The following SH3BP2 variants were observed in gnomAD, a reference collection of about 807,000 sequenced individuals.
SH3BP2 encodes the protein SH3 domain-binding protein 2.
SH3BP2 carries 38 observed loss-of-function variants against 56.2 expected under a neutral mutation model. That is an observed-to-expected ratio of 0.68 (90% CI 0.52 to 0.89). The LOEUF (loss-of-function observed/expected upper bound fraction) is 0.89. Among genes scored for constraint, SH3BP2 ranks in the 40% least tolerant of loss-of-function variants. The probability of loss-of-function intolerance (pLI) is 0.00; values close to 1 mark genes in which losing one functional copy is unlikely to be tolerated. For missense variants in SH3BP2, 748 were observed against 762.6 expected, an observed-to-expected ratio of 0.98 and a Z score of 0.23; for synonymous variants, 346 against 316.7, an observed-to-expected ratio of 1.09 and a Z score of -0.98.
At position 2,832,383 on chromosome 4, in the gene SH3BP2, A is replaced by G. The variant is rs921517997; in HGVS notation, c.1459A>G (p.Ile487Val). Reference protein sequence around the residue: ...RGEPQDGLYCIRNSSTKSGKV... With the variant: ...RGEPQDGLYCVRNSSTKSGKV... ...AGAGCCCCAGGATGGACTCTACTGC[A>G]TCCGGAACTCCTCTACCAAGTCGGG... The change falls in exon 11 of 13, where the codon ATC (isoleucine) becomes GTC (valine). Residue 487 changes from isoleucine (I) to valine (V), a missense_variant. This residue lies in a region of SH3BP2 where 635 missense variants were observed against 615.0 expected (regional missense o/e 1.03). Coordinates refer to ENST00000503393, the MANE Select transcript of SH3BP2 (RefSeq NM_001122681.2). 1 of 1,614,146 alleles carries G rather than the reference A, an allele frequency of 6.2e-7. No homozygotes were observed. The highest frequency in any genetic ancestry group is 8.5e-7 in the Non-Finnish European group (1 of 1,180,008).
chr4:2,828,371 A>G (rs1211836356), intron 7 of SH3BP2, among the ~76,000 whole-genome samples: 2 of 151,228 alleles, frequency 1.3e-5, no homozygotes, highest in African/African-American at 4.9e-5. Context: ...CTGACCCCGT[A>G]TCCTCTCTGC....
intron 1 of SH3BP2, among the ~76,000 whole-genome samples, chr4:2,819,900 G>T (rs1250109030): frequency 2.0e-5 from 3 of 152,170 alleles, no homozygotes; most frequent in African/African-American, 7.2e-5. Flanking sequence ...GTTGGGTCCT[G>T]TGGGCCTGGG....
At chr4:2,830,223 C>G in intron 8 of SH3BP2, 76 bp downstream of exon 8, 1 of 1,373,050 alleles carries the variant, frequency 7.3e-7, no homozygotes, top group Non-Finnish European at 9.8e-7. Flanking sequence ...GGCACTCTGC[C>G]CACCTCGCTC....
intron 1 of SH3BP2, among the ~76,000 whole-genome samples, chr4:2,806,945 C>G (rs1284944379): frequency 6.6e-6 from 1 of 152,280 alleles, no homozygotes; most frequent in Non-Finnish European, 1.5e-5. Context: ...GCCATGCAGG[C>G]AGCTGTGCCT....
rs201295209 is a variant in SH3BP2, at chr4:2,800,554, C to CG, written c.-5+7416_-5+7417insG. 4.2e-4 allele frequency among the ~76,000 whole-genome samples: 64 copies of CG among 152,022 alleles called. 2 individuals are homozygous for CG. The East Asian group carries it at 6.8e-3, about 16-fold the overall frequency. The stretch of plus-strand genomic sequence containing the variant: ...GAGGTGCTTGTCCTGTGACCGCCCC[C>CG]CCCCCGGGCTGATGACGGGCCAGGT... On this transcript the variant is annotated intron_variant, in intron 1 of 12. Coordinates refer to ENST00000503393, the MANE Select transcript of SH3BP2 (RefSeq NM_001122681.2).
intron 1 of SH3BP2, among the ~76,000 whole-genome samples, chr4:2,806,985 T>C (rs1723560259): frequency 6.6e-6 from 1 of 152,190 alleles, no homozygotes; most frequent in African/African-American, 2.4e-5. Context: ...TTTTCTTAAT[T>C]CCCTTTGTCC....
intron 4 of SH3BP2, 83 bp downstream of exon 4, chr4:2,824,813 G>T (rs772825922): frequency 1.9e-6 from 2 of 1,076,952 alleles, no homozygotes; most frequent in Middle Eastern, 4.1e-4. Flanking sequence ...TTGGGGGCTC[G>T]CTGGTCCTGG....
At chr4:2,812,875 G>A (rs1723820177) in intron 1 of SH3BP2, among the ~76,000 whole-genome samples, 1 of 152,188 alleles carries the variant, frequency 6.6e-6, no homozygotes, top group Non-Finnish European at 1.5e-5. Context: ...GTGAGTGTGT[G>A]TTTCTGTTGT....
Position 2,836,397 on chromosome 4 carries a change from C to G in SH3BP2, c.*2563C>G, listed in dbSNP as rs1216688648. 1.3e-5 allele frequency: 2 copies of G among 152,220 alleles called. No individual in the cohort carries two copies. Among genetic ancestry groups the G allele is most frequent in the Non-Finnish European group, 2.9e-5 (2 of 68,056 alleles). 9.4% of individuals were successfully genotyped at this position (152,220 alleles called of 1,614,324 possible). A position where few individuals can be genotyped will look rare whatever the true frequency, so the allele number is the denominator to read the frequency against. On this transcript the variant is annotated 3_prime_UTR_variant, in exon 13 of 13. Transcript: ENST00000503393. ...AGGGTTGGGATTACCATTTACTGAC[C>G]ACATCTGTGAGGTGCCGAGCTGGGT...
intron 1 of SH3BP2, among the ~76,000 whole-genome samples, chr4:2,801,009 G>A: frequency 8.1e-6 from 1 of 123,988 alleles, no homozygotes; most frequent in Non-Finnish European, 1.9e-5. Flanking sequence ...GAAGGAGCTG[G>A]GCTGTGGGCG....
intron 1 of SH3BP2, among the ~76,000 whole-genome samples, chr4:2,807,957 C>G (rs770095090): frequency 6.6e-6 from 1 of 152,196 alleles, no homozygotes; most frequent in Non-Finnish European, 1.5e-5. Context: ...GAGCCTGTCT[C>G]TCCCTGACAG....
In SH3BP2 at chr4:2,836,099, G is replaced by A; in HGVS notation, c.*2265G>A. The A allele has an allele frequency of 6.6e-6, 1 of 152,264 alleles. No individual in the cohort carries two copies. The highest frequency in any genetic ancestry group is 1.9e-4 in the East Asian group (1 of 5,198). The allele number at this position is 152,264 out of a possible 1,614,324, so 9.4% of individuals were successfully genotyped here. ...AAAGCATCCTGGGGCCCAGAGCCAG[G>A]TGATAGGTCCCTCTGGCCAACTGGA... On this transcript the variant is annotated 3_prime_UTR_variant, in exon 13 of 13. Transcript: ENST00000503393.
chr4:2,819,978 G>T (rs1724212676), intron 1 of SH3BP2, among the ~76,000 whole-genome samples: 1 of 152,150 alleles, frequency 6.6e-6, no homozygotes, highest in Non-Finnish European at 1.5e-5. Context: ...GAGGGAAGGG[G>T]AGTGATATCC....
Position 2,831,573 on chromosome 4 carries a change from G to A in SH3BP2, c.1244G>A (p.Arg415Gln), listed in dbSNP as rs121909149. The A allele has an allele frequency of 1.3e-6, 2 of 1,579,824 alleles. No individual in the cohort carries two copies. Among genetic ancestry groups the A allele is most frequent in the Non-Finnish European group, 1.7e-6 (2 of 1,161,982 alleles). The change falls in exon 9 of 13, where the codon CGA becomes CAA. Residue 415 changes from arginine to glutamine, a missense_variant and splice_region_variant. Physicochemically the swap from Arg to Gln is conservative, Grantham distance 43. Coordinates refer to ENST00000503393, the MANE Select transcript of SH3BP2 (RefSeq NM_001122681.2). The surrounding 1 kb of genome is among the most constrained non-coding windows in gnomAD (Gnocchi z 4.1). ...PEKPQLPHLQ[R>Q]SPPDGQSFRS... Reference sequence around the variant, plus strand: ...CCTTCCTCTCCCTGCCCCTCCAGGCGATCACCCCCCGATGGGCAGAGTTTC... The same window carrying A: ...CCTTCCTCTCCCTGCCCCTCCAGGCAATCACCCCCCGATGGGCAGAGTTTC...
chr4:2,829,590 C>T lies in SH3BP2; in HGVS notation c.684C>T (p.Ser228=). The T allele has an allele frequency of 6.2e-7, 1 of 1,612,546 alleles. No individual in the cohort carries two copies. Among genetic ancestry groups the T allele is most frequent in the South Asian group, 1.1e-5 (1 of 91,054 alleles). Reference sequence around the variant, plus strand: ...TGCCCCGGGCCCACTCCTTTACCTCCAAGGGCCCCGGTCCCCTACTGCCAC... The same window carrying T: ...TGCCCCGGGCCCACTCCTTTACCTCTAAGGGCCCCGGTCCCCTACTGCCAC... ...SDMPRAHSFT[S]KGPGPLLPPP... Residue 228 remains serine (S), a synonymous_variant, in exon 8 of 13, where the codon TCC becomes TCT. Coordinates refer to ENST00000503393, the MANE Select transcript of SH3BP2 (RefSeq NM_001122681.2). The surrounding 1 kb of genome is among the most constrained non-coding windows in gnomAD (Gnocchi z 4.9).
At position 2,840,421 on chromosome 4, in the gene SH3BP2, A is replaced by T. The variant is rs1376624114; in HGVS notation, c.*6587A>T. The T allele has an allele frequency of 6.6e-6, 1 of 151,840 alleles. No homozygotes were observed. The highest frequency in any genetic ancestry group is 1.9e-4 in the East Asian group (1 of 5,184). The allele number at this position is 151,840 out of a possible 1,614,324, so 9.4% of individuals were successfully genotyped here. A position where few individuals can be genotyped will look rare whatever the true frequency, so the allele number is the denominator to read the frequency against. On this transcript the variant is annotated 3_prime_UTR_variant, in exon 13 of 13. Coordinates refer to ENST00000503393, the MANE Select transcript of SH3BP2 (RefSeq NM_001122681.2). ...GATTCACTTTCATTTTTTTCTCTCC[A>T]TAGGGTTACACACCTGTCCTATCAT...
At chr4:2,830,925 T>G (rs1447802310) in intron 8 of SH3BP2, among the ~76,000 whole-genome samples, 1 of 152,206 alleles carries the variant, frequency 6.6e-6, no homozygotes, top group Non-Finnish European at 1.5e-5. Context: ...CTGCTGCCTG[T>G]GTGGAAGTGC....
intron 1 of SH3BP2, among the ~76,000 whole-genome samples, chr4:2,800,304 T>TGGGGAG (rs1052011047): frequency 2.0e-5 from 3 of 152,092 alleles, no homozygotes; most frequent in African/African-American, 7.2e-5. Flanking sequence ...GCTGCCTCCC[T>TGGGGAG]GGGGAGGGAA....
At chr4:2,805,986 C>G (rs775707087) in intron 1 of SH3BP2, among the ~76,000 whole-genome samples, 4 of 152,184 alleles carry the variant, frequency 2.6e-5, no homozygotes, top group African/African-American at 9.7e-5. Flanking sequence ...AAAGCACGGC[C>G]GGACGCTGAG....
Sources: gnomAD v4.1 joint callset for allele counts (sites outside exome capture counted in the v4.1 genomes callset) on GRCh38, gnomAD v4.1.1 for gene constraint, gnomAD v4.1.1 regional missense constraint, Gnocchi (gnomAD v3.1) non-coding constraint, MANE v1.5 for transcripts, NCBI Gene and HGNC (gene_info 2026-07-23, HGNC 2026-07-21) for gene names.